Variants in MYO1D observed in about 807,000 individuals in gnomAD.
MYO1D encodes the protein myosin ID.
MYO1D carries 83 observed loss-of-function variants against 122.0 expected under a neutral mutation model. The observed-to-expected ratio is 0.68, with a 90% CI of 0.57 to 0.82. The LOEUF is 0.82. Among genes scored for constraint, MYO1D ranks in the 40% least tolerant of loss-of-function variants. MYO1D has a pLI of 0.00. For synonymous variants in MYO1D, 464 were observed against 446.9 expected (o/e 1.04, Z -0.48); for missense variants, 1,157 against 1,269.5 (o/e 0.91, Z 1.35).
At chr17:32,876,607 C>A (rs2091233757) in intron 1 of MYO1D, among the ~76,000 whole-genome samples, 171 bp downstream of exon 1, 2 of 152,148 alleles carry the variant, frequency 1.3e-5, no homozygotes, top group Non-Finnish European at 2.9e-5. Context: ...CGTCCGCTCT[C>A]GGGAAAGCGC....
chr17:32,551,556 CCA>C (rs56031542), intron 21 of MYO1D, among the ~76,000 whole-genome samples: 39,649 of 150,160 alleles, frequency 0.26, 5,625 homozygotes, highest in Middle Eastern at 0.34. Context: ...CATCCCACTG[CCA>C]CACACACACA....
intron 21 of MYO1D, among the ~76,000 whole-genome samples, chr17:32,502,815 AT>A (rs542799752): frequency 1.3e-5 from 2 of 152,134 alleles, no homozygotes; most frequent in Non-Finnish European, 2.9e-5. Flanking sequence ...TTCTTTCCTT[AT>A]TTTTTAAAGA....
chr17:32,736,613 AG>A (rs2089704288), intron 14 of MYO1D, among the ~76,000 whole-genome samples: 1 of 152,384 alleles, frequency 6.6e-6, no homozygotes, highest in East Asian at 1.9e-4. Context: ...CTGTTTCATT[AG>A]AAGGTGAATG....
intron 21 of MYO1D, among the ~76,000 whole-genome samples, chr17:32,573,251 T>C (rs2087247261): frequency 6.6e-6 from 1 of 152,220 alleles, no homozygotes; most frequent in Admixed American, 6.5e-5. Flanking sequence ...GCTTGGAACT[T>C]ACAATTGTTT....
chr17:32,832,814 C>G (rs1158981474), intron 1 of MYO1D, among the ~76,000 whole-genome samples: 1 of 152,204 alleles, frequency 6.6e-6, no homozygotes, highest in Non-Finnish European at 1.5e-5. Flanking sequence ...ATTTAAGAAT[C>G]TACTGTTCTT....
intron 1 of MYO1D, among the ~76,000 whole-genome samples, chr17:32,874,173 A>G (rs1431669679): frequency 6.6e-6 from 1 of 152,210 alleles, no homozygotes; most frequent in African/African-American, 2.4e-5. Flanking sequence ...CTGAACTTCC[A>G]GAACAATTTC....
intron 20 of MYO1D, among the ~76,000 whole-genome samples, chr17:32,632,684 T>C (rs948452376): frequency 1.3e-5 from 2 of 151,892 alleles, no homozygotes; most frequent in Non-Finnish European, 2.9e-5. Context: ...GAATTCCTTT[T>C]ACCATCATCC....
intron 20 of MYO1D, among the ~76,000 whole-genome samples, chr17:32,618,128 T>G (rs1466957021): frequency 6.6e-6 from 1 of 152,168 alleles, no homozygotes; most frequent in African/African-American, 2.4e-5. Flanking sequence ...CCACATGCTG[T>G]TTTAATGGTA....
chr17:32,817,316 CTTCT>C (rs2090620624), intron 1 of MYO1D, among the ~76,000 whole-genome samples: 2 of 152,244 alleles, frequency 1.3e-5, no homozygotes, highest in Non-Finnish European at 2.9e-5. Flanking sequence ...AAGACTGAAG[CTTCT>C]TTATGTTGCT....
intron 20 of MYO1D, among the ~76,000 whole-genome samples, chr17:32,618,914 C>T (rs747351051): frequency 1.4e-4 from 21 of 152,114 alleles, no homozygotes; most frequent in Non-Finnish European, 2.6e-4. Context: ...GGATTACAGG[C>T]GTGAGTCACT....
intron 1 of MYO1D, among the ~76,000 whole-genome samples, chr17:32,798,115 G>C (rs566141177): frequency 6.6e-6 from 1 of 152,358 alleles, no homozygotes; most frequent in African/African-American, 2.4e-5. Context: ...TGGATTGCAT[G>C]AGTAGGAAAA....
chr17:32,758,761 C>G (rs56399865), intron 10 of MYO1D, among the ~76,000 whole-genome samples: 549 of 152,220 alleles, frequency 3.6e-3, no homozygotes, highest in African/African-American at 0.013. Flanking sequence ...GGGTTTTACC[C>G]AGAATAGAGA....
intron 21 of MYO1D, chr17:32,602,781 C>T (rs1253786056): frequency 1.3e-5 from 2 of 152,126 alleles, no homozygotes; most frequent in Non-Finnish European, 2.9e-5. Context: ...CCCTCCCGAA[C>T]CTTTGGATTT....
chr17:32,654,443 A>T, intron 18 of MYO1D, 34 bp downstream of exon 18: 2 of 1,565,862 alleles, frequency 1.3e-6, no homozygotes, highest in Non-Finnish European at 1.7e-6. Context: ...TAGAGGAAGT[A>T]GAAGTAGATT....
intron 21 of MYO1D, among the ~76,000 whole-genome samples, chr17:32,546,447 G>A (rs570554669): frequency 6.6e-6 from 1 of 152,360 alleles, no homozygotes; most frequent in South Asian, 2.1e-4. Flanking sequence ...AGCAAGTCCA[G>A]AAGCAGGGGC....
chr17:32,665,929 G>C (rs1410487361), intron 16 of MYO1D, among the ~76,000 whole-genome samples: 1 of 152,044 alleles, frequency 6.6e-6, no homozygotes, highest in African/African-American at 2.4e-5. Flanking sequence ...GGTGGTGGGG[G>C]GAATCTTACT....
chr17:32,715,583 ATG>A (rs1364013422), intron 15 of MYO1D, among the ~76,000 whole-genome samples: 3 of 152,082 alleles, frequency 2.0e-5, no homozygotes. Flanking sequence ...ACTTCTTTCT[ATG>A]TATTCTCTCC....
intron 14 of MYO1D, among the ~76,000 whole-genome samples, chr17:32,721,867 G>T (rs1224361497): frequency 6.6e-6 from 1 of 152,166 alleles, no homozygotes; most frequent in Non-Finnish European, 1.5e-5. Context: ...GCTTGGCATA[G>T]ATCCTGGTAC....
Position 32,755,876 on chromosome 17 carries a change from G to A in MYO1D, c.1297-214C>T, listed in dbSNP as rs118122039. 2.0e-3 allele frequency among the ~76,000 whole-genome samples: 302 copies of A among 152,212 alleles called. 2 individuals are homozygous for A. Among genetic ancestry groups the A allele is most frequent in the Admixed American group, 4.3e-3 (65 of 15,268 alleles). ...TTAACTTTCTATCATGAAATACACC[G>A]TCTGAGATTAGTACAGCCCAAGGCA... On this transcript the variant is annotated intron_variant, in intron 10 of 21. Transcript: ENST00000318217.
Sources: gnomAD v4.1 joint callset for allele counts (sites outside exome capture counted in the v4.1 genomes callset) on GRCh38, gnomAD v4.1.1 for gene constraint, MANE v1.5 for transcripts, NCBI Gene and HGNC (gene_info 2026-07-23, HGNC 2026-07-21) for gene names.